Variants in ERCC6 observed in about 807,000 individuals in gnomAD.
The protein encoded by ERCC6 is ERCC excision repair 6, chromatin remodeling factor.
Under a neutral mutation model 158.7 loss-of-function variants are expected in ERCC6, and 116 were observed. The observed-to-expected ratio is 0.73, with a 90% CI of 0.63 to 0.85. ERCC6 has a LOEUF of 0.85. Among genes scored for constraint, ERCC6 ranks in the 40% least tolerant of loss-of-function variants. The pLI is 0.00. For missense variants in ERCC6, 1,698 were observed against 1,799.4 expected, an observed-to-expected ratio of 0.94 and a Z score of 1.02; for synonymous variants, 678 against 659.3, an observed-to-expected ratio of 1.03 and a Z score of -0.43.
rs201062280 is a variant in ERCC6 at position 49,532,872 on chromosome 10, G to C, written c.93C>G (p.Ile31Met). 16 of 1,614,226 alleles carry C rather than the reference G, an allele frequency of 9.9e-6. No individual in the cohort carries two copies. Among genetic ancestry groups the C allele is most frequent in the African/African-American group, 2.7e-5 (2 of 75,046 alleles). ...CCCCATCACCACCACTTTCTTGCTT[G>C]ATTGCCATTTCTTCATTATTACTGA... ...QPVSNNEEMA[I>M]KQESGGDGEV... The change falls in exon 2 of 21, where the codon ATC (isoleucine) becomes ATG (methionine). Residue 31 changes from isoleucine (I) to methionine (M), a missense_variant. Coordinates refer to ENST00000355832, the MANE Select transcript of ERCC6 (RefSeq NM_000124.4).
intron 6 of ERCC6, chr10:49,500,924 T>C (rs1340528892): frequency 1.5e-5 from 8 of 542,010 alleles, no homozygotes; most frequent in Non-Finnish European, 2.6e-5. Context: ...AACACATTTC[T>C]AATTAAACTG....
At chr10:49,466,553 T>G (rs1487361713) in intron 18 of ERCC6, among the ~76,000 whole-genome samples, 1 of 152,228 alleles carries the variant, frequency 6.6e-6, no homozygotes, top group Non-Finnish European at 1.5e-5. Flanking sequence ...GTACATACCA[T>G]GAAACTATCA....
At chr10:49,485,721 C>A (rs1224217947) in intron 8 of ERCC6, among the ~76,000 whole-genome samples, 1 of 152,150 alleles carries the variant, frequency 6.6e-6, no homozygotes, top group Non-Finnish European at 1.5e-5. Context: ...GTAACAGTTG[C>A]TACTTCCACC....
intron 19 of ERCC6, among the ~76,000 whole-genome samples, chr10:49,460,867 C>T (rs1024579574): frequency 2.0e-5 from 3 of 150,800 alleles, no homozygotes; most frequent in Non-Finnish European, 2.9e-5. Context: ...CCAGCCCGGG[C>T]GAAAGGGCGA....
intron 5 of ERCC6, chr10:49,506,497 G>A (rs1473937978): frequency 6.1e-6 from 1 of 163,824 alleles, no homozygotes; most frequent in Admixed American, 6.0e-5. Flanking sequence ...CAAATTTGGG[G>A]TCAAAATCAC....
At chr10:49,484,901 C>T (rs1225432987) in intron 8 of ERCC6, among the ~76,000 whole-genome samples, 1 of 152,160 alleles carries the variant, frequency 6.6e-6, no homozygotes, top group Non-Finnish European at 1.5e-5. Context: ...AAAATCTTTA[C>T]GTAATTCTAA....
At chr10:49,538,926 C>G (rs1308887151) in intron 1 of ERCC6, 36 bp downstream of exon 1, 7 of 152,700 alleles carry the variant, frequency 4.6e-5, no homozygotes, top group South Asian at 4.1e-4. Context: ...CCGACACCCC[C>G]TGCCCGACAT....
At chr10:49,506,320 G>T in intron 5 of ERCC6, 1 of 376,798 alleles carries the variant, frequency 2.7e-6, no homozygotes. Context: ...CTGCTGGTTC[G>T]TAAGACATGA....
At chr10:49,505,655 A>T (rs560966532) in intron 6 of ERCC6, 2 of 556,236 alleles carry the variant, frequency 3.6e-6, no homozygotes, top group African/African-American at 3.8e-5. Context: ...AGGTCCATAT[A>T]GATTCATCAG....
At chr10:49,521,784 A>C (rs1402604521) in intron 5 of ERCC6, among the ~76,000 whole-genome samples, 2 of 152,230 alleles carry the variant, frequency 1.3e-5, no homozygotes, top group African/African-American at 4.8e-5. Flanking sequence ...TGAGGGCTTG[A>C]GCCAAATGAA....
At chr10:49,536,431 G>T (rs1312619900) in intron 1 of ERCC6, among the ~76,000 whole-genome samples, 3 of 152,106 alleles carry the variant, frequency 2.0e-5, no homozygotes, top group Admixed American at 6.5e-5. Context: ...TGAACAGGAG[G>T]CACAACACAT....
At chr10:49,477,485 C>T (rs1018396175) in intron 11 of ERCC6, among the ~76,000 whole-genome samples, 1 of 152,202 alleles carries the variant, frequency 6.6e-6, no homozygotes, top group African/African-American at 2.4e-5. Flanking sequence ...GAAGCCCGCA[C>T]CCAGAGCAAG....
In ERCC6 at chr10:49,470,639, A is replaced by T. The variant is rs1590405847; in HGVS notation, c.3321T>A (p.Leu1107=). Residue 1107 remains leucine, a synonymous_variant, in exon 18 of 21, where the codon CTT becomes CTA. Transcript: ENST00000355832. ...CAGATACTGCATTTGTCTCTTCTCC[A>T]AGCCTATCATTGCTAGTTACATTAC... ...MSSNVTSNDR[L]GEETNAVSGP... The T allele has an allele frequency of 5.6e-6, 9 of 1,613,672 alleles. No homozygotes were observed. The highest frequency in any genetic ancestry group is 7.6e-6 in the Non-Finnish European group (9 of 1,179,692).
At chr10:49,535,517 G>C (rs961507159) in intron 1 of ERCC6, among the ~76,000 whole-genome samples, 1 of 152,206 alleles carries the variant, frequency 6.6e-6, no homozygotes, top group African/African-American at 2.4e-5. Flanking sequence ...CCAACAGAGA[G>C]AGCAGGATTC....
Position 49,470,389 on chromosome 10 carries a change from C to T in ERCC6, c.3571G>A (p.Ala1191Thr). ...HKSKTKHHSVAEEETLEKHLR... is the reference protein window; with the variant it reads ...HKSKTKHHSVTEEETLEKHLR... ...TGTTTCTCCAGGGTCTCTTCTTCTG[C>T]CACACTATGATGTTTTGTTTTTGAC... Residue 1191 changes from alanine (A) to threonine (T), a missense_variant, in exon 18 of 21, where the codon GCA becomes ACA. Coordinates refer to ENST00000355832, the MANE Select transcript of ERCC6 (RefSeq NM_000124.4). The T allele has an allele frequency of 6.2e-7, 1 of 1,614,142 alleles. No individual in the cohort carries two copies. The highest frequency in any genetic ancestry group is 8.5e-7 in the Non-Finnish European group (1 of 1,180,026).
At chr10:49,501,286 G>C (rs1851351296) in intron 6 of ERCC6, 1 of 153,164 alleles carries the variant, frequency 6.5e-6, no homozygotes, top group Non-Finnish European at 1.5e-5. Context: ...AGATGATTCT[G>C]TCATATTACT....
chr10:49,508,732 A>G (rs1046582025), intron 5 of ERCC6, among the ~76,000 whole-genome samples: 1 of 152,152 alleles, frequency 6.6e-6, no homozygotes, highest in Non-Finnish European at 1.5e-5. Flanking sequence ...ATACTTCCTC[A>G]TGTGACTTGT....
chr10:49,519,878 C>T (rs1837102167), intron 5 of ERCC6, among the ~76,000 whole-genome samples: 2 of 152,152 alleles, frequency 1.3e-5, no homozygotes, highest in Admixed American at 6.5e-5. Context: ...AGTGCAGTGC[C>T]CAGCTCCTCC....
chr10:49,524,068 A>G lies in ERCC6; in HGVS notation c.1362T>C (p.Asp454=). Residue 454 remains aspartate (D), a synonymous_variant, in exon 5 of 21, where the codon GAT becomes GAC. Coordinates refer to ENST00000355832, the MANE Select transcript of ERCC6 (RefSeq NM_000124.4). ...GCTTATAATAATCTTCATCTCCATC[A>G]TCTCGGTATCTTCCCACTTTCCGAC... ...GGGRKVGRYR[D]DGDEDYYKQR... is the part of the protein sequence containing the mutation. 6.2e-7 allele frequency: 1 copy of G among 1,613,490 alleles called. No individual in the cohort carries two copies. Among genetic ancestry groups the G allele is most frequent in the Middle Eastern group, 1.6e-4 (1 of 6,062 alleles).
Sources: gnomAD v4.1 joint callset for allele counts (sites outside exome capture counted in the v4.1 genomes callset) on GRCh38, gnomAD v4.1.1 for gene constraint, MANE v1.5 for transcripts, NCBI Gene and HGNC (gene_info 2026-07-23, HGNC 2026-07-21) for gene names.